R3HDM2: variants seen among roughly 807,000 people sequenced by gnomAD.
R3HDM2 encodes R3H domain-containing protein 2.
Under a neutral mutation model 124.5 loss-of-function variants are expected in R3HDM2, and 38 were observed. The ratio of observed to expected loss-of-function variants is 0.31; its 90% CI spans 0.24 to 0.40. The LOEUF (loss-of-function observed/expected upper bound fraction) is 0.40. Ranked by LOEUF, R3HDM2 falls within the 10% of genes least tolerant of loss-of-function variation. The probability of loss-of-function intolerance (pLI) is 1.00; values close to 1 mark genes in which losing one functional copy is unlikely to be tolerated. For synonymous variants in R3HDM2, 391 were observed against 448.0 expected, an observed-to-expected ratio of 0.87 and a Z score of 1.61; for missense variants, 869 against 1,236.9, an observed-to-expected ratio of 0.70 and a Z score of 4.46.
chr12:57,303,622 G>GA (rs201490541), intron 3 of R3HDM2, among the ~76,000 whole-genome samples: 10 of 148,700 alleles, frequency 6.7e-5, no homozygotes, highest in East Asian at 2.0e-4. Context: ...AAAAGAAAAA[G>GA]AAAAAAAAAA....
At chr12:57,274,333 G>C (rs145978213) in intron 14 of R3HDM2, among the ~76,000 whole-genome samples, 1,534 of 152,196 alleles carry the variant, frequency 0.01, 18 homozygotes, top group African/African-American at 0.036. Flanking sequence ...AATTAGCTGC[G>C]CATGGTGGCA....
intron 13 of R3HDM2, among the ~76,000 whole-genome samples, chr12:57,282,912 G>A (rs1291644112): frequency 6.6e-6 from 1 of 152,154 alleles, no homozygotes; most frequent in African/African-American, 2.4e-5. Flanking sequence ...TCAAAGGGAG[G>A]AGGACGATGA....
chr12:57,392,402 A>G (rs937708156), intron 2 of R3HDM2, among the ~76,000 whole-genome samples: 10 of 152,164 alleles, frequency 6.6e-5, no homozygotes, highest in Non-Finnish European at 1.2e-4. Context: ...GATCACTCAC[A>G]TGCACAGTTC....
At position 57,303,197 on chromosome 12, in the gene R3HDM2, A is replaced by C; in HGVS notation, c.186T>G (p.Gly62=). ...QETQRRTSNH[G]HARKRAKSNS... is the part of the protein sequence containing the mutation. The stretch of plus-strand genomic sequence containing the variant: ...TCACCTTGGCTCTTTTCCTGGCATG[A>C]CCATGGTTAGATGTCCGCCTCTGTT... Residue 62 remains glycine, a synonymous_variant, in exon 4 of 24, where the codon GGT becomes GGG. Transcript: ENST00000402412. The C allele has an allele frequency of 6.5e-7, 1 of 1,531,580 alleles. No homozygotes were observed. The highest frequency in any genetic ancestry group is 8.9e-7 in the Non-Finnish European group (1 of 1,128,730). The allele number at this position is 1,531,580 out of a possible 1,614,324, so 94.9% of individuals were successfully genotyped here.
intron 2 of R3HDM2, among the ~76,000 whole-genome samples, chr12:57,353,553 A>C (rs2060906855): frequency 6.6e-6 from 1 of 152,106 alleles, no homozygotes; most frequent in Non-Finnish European, 1.5e-5. Flanking sequence ...TGTGTTGAGG[A>C]ATATCTGGGT....
Position 57,268,419 on chromosome 12 carries a change from CG to C in R3HDM2, c.1913del (p.Pro638ArgfsTer11). The C allele has an allele frequency of 1.2e-6, 2 of 1,614,052 alleles. No homozygotes were observed. The highest frequency in any genetic ancestry group is 1.7e-6 in the Non-Finnish European group (2 of 1,180,008). ...GGACCAGCATGGGTTGCTGGAAAGG[CG>C]GCTGGACCACATTTTGCGAGTCACT... ...VGSDSQNVVQ[P>X]PFQQPMLVPV... is the part of the protein sequence containing the mutation. On this transcript the variant is annotated frameshift_variant, in exon 18 of 24. Transcript: ENST00000402412. LOFTEE classifies it high-confidence loss of function.
intron 6 of R3HDM2, among the ~76,000 whole-genome samples, chr12:57,298,496 C>T (rs1394946111): frequency 6.6e-6 from 1 of 152,154 alleles, no homozygotes; most frequent in Non-Finnish European, 1.5e-5. Flanking sequence ...TAAGGGCAGT[C>T]AGGGCTGAAT....
At chr12:57,267,948 T>C (rs1361797982) in intron 18 of R3HDM2, among the ~76,000 whole-genome samples, 1 of 152,206 alleles carries the variant, frequency 6.6e-6, no homozygotes, top group African/African-American at 2.4e-5. Flanking sequence ...GTTTCATTGA[T>C]AAACAGAGGT....
intron 17 of R3HDM2, chr12:57,268,711 T>A (rs924592847): frequency 2.8e-6 from 2 of 704,816 alleles, no homozygotes; most frequent in African/African-American, 3.6e-5. Context: ...CCTGGGCATA[T>A]ACTCATTCCA....
At chr12:57,417,102 A>G (rs561449261) in intron 1 of R3HDM2, among the ~76,000 whole-genome samples, 2 of 146,322 alleles carry the variant, frequency 1.4e-5, no homozygotes, top group East Asian at 4.1e-4. Context: ...TGGGCGACAG[A>G]ATGAGACTCT....
At chr12:57,293,656 G>A (rs1380218585) in intron 10 of R3HDM2, among the ~76,000 whole-genome samples, 1 of 152,156 alleles carries the variant, frequency 6.6e-6, no homozygotes, top group African/African-American at 2.4e-5. Context: ...TTCTAAGGGA[G>A]AAAACTCATC....
intron 15 of R3HDM2, 58 bp downstream of exon 15, chr12:57,269,694 A>G (rs2043180315): frequency 1.2e-6 from 2 of 1,605,440 alleles, no homozygotes; most frequent in Admixed American, 3.4e-5. Flanking sequence ...GAATAAAGAA[A>G]GTATAATACT....
intron 14 of R3HDM2, among the ~76,000 whole-genome samples, chr12:57,276,724 T>C (rs563838449): frequency 1.3e-3 from 199 of 152,050 alleles, no homozygotes; most frequent in African/African-American, 3.7e-3. Flanking sequence ...CCATTTCTAC[T>C]AAAAATACAA....
At chr12:57,308,305 C>T (rs2053182055) in intron 3 of R3HDM2, among the ~76,000 whole-genome samples, 1 of 151,772 alleles carries the variant, frequency 6.6e-6, no homozygotes, top group Admixed American at 6.6e-5. Flanking sequence ...ATCTGCTCAC[C>T]TTGGCCTCCC....
chr12:57,405,402 G>A (rs2068438753), intron 1 of R3HDM2, among the ~76,000 whole-genome samples: 1 of 152,162 alleles, frequency 6.6e-6, no homozygotes, highest in African/African-American at 2.4e-5. Flanking sequence ...ACTTTAGAAG[G>A]CCAAGACTGG....
chr12:57,339,212 G>A (rs1011327976), intron 2 of R3HDM2, among the ~76,000 whole-genome samples: 2 of 151,856 alleles, frequency 1.3e-5, no homozygotes, highest in Non-Finnish European at 2.9e-5. Flanking sequence ...GGCCAGGCTG[G>A]TCTCAAACTC....
chr12:57,266,895 C>T lies in R3HDM2; in HGVS notation c.2031-64G>A, dbSNP rs1402503942. 6.7e-6 allele frequency: 8 copies of T among 1,189,854 alleles called. No individual in the cohort carries two copies. In the African/African-American group the frequency reaches 9.2e-5, roughly 14 times the overall value. The allele number at this position is 1,189,854 out of a possible 1,614,324, so 73.7% of individuals were successfully genotyped here. ...AGGGATGAACACAGCTCCTGGCAAA[C>T]AGCTGCTGCTTCCTGGTCCTCCCCT... On this transcript the variant is annotated intron_variant, in intron 18 of 23. Coordinates refer to ENST00000402412, the MANE Select transcript of R3HDM2 (RefSeq NM_001394031.1).
intron 12 of R3HDM2, among the ~76,000 whole-genome samples, chr12:57,284,460 A>T (rs1466549344): frequency 6.6e-6 from 1 of 152,248 alleles, no homozygotes; most frequent in East Asian, 1.9e-4. Context: ...AAGGACTCCT[A>T]GAAGTTGCTA....
At chr12:57,426,335 G>A (rs192627346) in intron 1 of R3HDM2, among the ~76,000 whole-genome samples, 1 of 152,280 alleles carries the variant, frequency 6.6e-6, no homozygotes, top group Admixed American at 6.5e-5. Flanking sequence ...AGATTTAGTT[G>A]CTAAAAATGC....
Sources: allele counts gnomAD v4.1 joint callset (sites outside exome capture counted in the v4.1 genomes callset), GRCh38; gene constraint gnomAD v4.1.1; transcripts MANE v1.5; gene names NCBI Gene and HGNC (gene_info 2026-07-23, HGNC 2026-07-21).